Variants in DPF3 observed in about 807,000 individuals in gnomAD.
DPF3 encodes the protein double PHD fingers 3.
A neutral mutation model predicts 56.8 loss-of-function variants in DPF3; 18 were observed. The observed-to-expected ratio is 0.32, with a 90% CI of 0.22 to 0.47. DPF3 has a LOEUF of 0.47. DPF3 is among the 20% of genes least tolerant of loss of function. The pLI is 1.00. For missense variants in DPF3, 403 were observed against 488.8 expected, an observed-to-expected ratio of 0.82 and a Z score of 1.65; for synonymous variants, 188 against 180.2, an observed-to-expected ratio of 1.04 and a Z score of -0.35.
chr14:72,753,140 C>T (rs1890649164), intron 3 of DPF3, 124 bp downstream of exon 3: 1 of 761,490 alleles, frequency 1.3e-6, no homozygotes, highest in Admixed American at 2.7e-5. Flanking sequence ...ATGATGTGGG[C>T]ATGTTCCCTC....
chr14:72,772,063 A>C (rs886181535), intron 1 of DPF3, among the ~76,000 whole-genome samples, 170 bp from the exon 2 acceptor site: 1 of 152,228 alleles, frequency 6.6e-6, no homozygotes, highest in Admixed American at 6.5e-5. Flanking sequence ...ATGCAACTCA[A>C]TGTCAGGTCT....
At chr14:72,786,296 A>T (rs1892206267) in intron 1 of DPF3, among the ~76,000 whole-genome samples, 1 of 152,014 alleles carries the variant, frequency 6.6e-6, no homozygotes, top group Admixed American at 6.6e-5. Flanking sequence ...CAATAACCAC[A>T]GAGGTGAGGT....
At chr14:72,633,191 G>C (rs999617065) in intron 8 of DPF3, among the ~76,000 whole-genome samples, 1 of 152,164 alleles carries the variant, frequency 6.6e-6, no homozygotes, top group Non-Finnish European at 1.5e-5. Context: ...AAGGATTGCA[G>C]GGACCACATA....
At chr14:72,775,062 C>T (rs1891694999) in intron 1 of DPF3, among the ~76,000 whole-genome samples, 1 of 152,102 alleles carries the variant, frequency 6.6e-6, no homozygotes, top group African/African-American at 2.4e-5. Context: ...CAGCAAGCAG[C>T]CATACCACAT....
chr14:72,714,580 T>G, intron 5 of DPF3, 79 bp from the exon 6 acceptor site: 1 of 1,512,364 alleles, frequency 6.6e-7, no homozygotes, highest in Non-Finnish European at 9.0e-7. Flanking sequence ...TGCGAGCTCC[T>G]TACACCGTCT....
chr14:72,726,897 T>C (rs926844819), intron 4 of DPF3, among the ~76,000 whole-genome samples: 4 of 152,134 alleles, frequency 2.6e-5, no homozygotes, highest in Admixed American at 2.0e-4. Context: ...CCTGGAATAC[T>C]GCAAAAATCT....
intron 1 of DPF3, among the ~76,000 whole-genome samples, chr14:72,792,651 C>G (rs1391177665): frequency 6.6e-6 from 1 of 151,972 alleles, no homozygotes; most frequent in Non-Finnish European, 1.5e-5. Context: ...ACAAAGTACT[C>G]CAAGGACCCG....
intron 1 of DPF3, among the ~76,000 whole-genome samples, chr14:72,853,829 T>C (rs1885078138): frequency 6.6e-6 from 1 of 152,182 alleles, no homozygotes; most frequent in South Asian, 2.1e-4. Flanking sequence ...AACCCTCATG[T>C]CACCATCTAC....
intron 2 of DPF3, among the ~76,000 whole-genome samples, chr14:72,755,091 C>G (rs1400974263): frequency 1.3e-5 from 2 of 152,232 alleles, no homozygotes; most frequent in Non-Finnish European, 2.9e-5. Context: ...CCCTGCACCC[C>G]CTCTCCCACC....
chr14:72,701,671 ACT>A (rs1177540802), intron 6 of DPF3, among the ~76,000 whole-genome samples: 4 of 151,926 alleles, frequency 2.6e-5, no homozygotes, highest in Non-Finnish European at 5.9e-5. Context: ...TAACTTAATG[ACT>A]CTGGCACATT....
intron 1 of DPF3, among the ~76,000 whole-genome samples, chr14:72,827,423 C>T (rs1456255345): frequency 6.7e-6 from 1 of 149,862 alleles, no homozygotes; most frequent in Non-Finnish European, 1.5e-5. Flanking sequence ...GTGCAATATT[C>T]TGGCCACCTG....
At chr14:72,835,518 C>T (rs1379675189) in intron 1 of DPF3, among the ~76,000 whole-genome samples, 1 of 152,176 alleles carries the variant, frequency 6.6e-6, no homozygotes, top group African/African-American at 2.4e-5. Flanking sequence ...ATTCAATCAT[C>T]CTTTACAAAG....
In DPF3 at chr14:72,891,594, T is replaced by C. The variant is rs142970821; in HGVS notation, c.32+2463A>G. 1.0e-3 allele frequency among the ~76,000 whole-genome samples: 156 copies of C among 152,290 alleles called. 1 individual carries two copies. Among genetic ancestry groups the C allele is most frequent in the African/African-American group, 3.4e-3 (143 of 41,548 alleles). On this transcript the variant is annotated intron_variant, in intron 1 of 10. Coordinates refer to ENST00000556509, the MANE Select transcript of DPF3 (RefSeq NM_001280542.3). ...CAAATGAAATATATAAGATGTTTTA[T>C]TAAACAAGTTATTTTTAAAAAAATA... is the stretch of plus-strand genomic sequence containing the variant.
At chr14:72,644,706 A>G (rs535995447) in intron 8 of DPF3, among the ~76,000 whole-genome samples, 2 of 152,324 alleles carry the variant, frequency 1.3e-5, no homozygotes, top group East Asian at 3.9e-4. Context: ...CAAGAGCCTC[A>G]CAAGTGTTCA....
chr14:72,808,770 A>G (rs913094397), intron 1 of DPF3, among the ~76,000 whole-genome samples: 1 of 152,206 alleles, frequency 6.6e-6, no homozygotes, highest in Non-Finnish European at 1.5e-5. Flanking sequence ...AGCTTCTTCT[A>G]CCAGGAAACC....
At chr14:72,819,121 G>A (rs1883417816) in intron 1 of DPF3, among the ~76,000 whole-genome samples, 1 of 152,180 alleles carries the variant, frequency 6.6e-6, no homozygotes, top group East Asian at 1.9e-4. Context: ...AGTCATTAGG[G>A]AAATGCCCAC....
intron 8 of DPF3, among the ~76,000 whole-genome samples, chr14:72,667,607 T>C (rs1389007713): frequency 6.6e-6 from 1 of 152,196 alleles, no homozygotes; most frequent in East Asian, 1.9e-4. Flanking sequence ...GCTCCTACAA[T>C]TCCTAAGGTC....
intron 1 of DPF3, among the ~76,000 whole-genome samples, chr14:72,792,857 G>C (rs1181646213): frequency 6.6e-6 from 1 of 151,660 alleles, no homozygotes; most frequent in Non-Finnish European, 1.5e-5. Flanking sequence ...TTCTCCAGGG[G>C]AATGGCTCCC....
At chr14:72,817,693 C>T (rs1037214241) in intron 1 of DPF3, among the ~76,000 whole-genome samples, 1 of 151,988 alleles carries the variant, frequency 6.6e-6, no homozygotes, top group African/African-American at 2.4e-5. Context: ...AAAAACCACA[C>T]ACACACAAAG....
Sources: gnomAD v4.1 joint callset for allele counts (sites outside exome capture counted in the v4.1 genomes callset) on GRCh38, gnomAD v4.1.1 for gene constraint, MANE v1.5 for transcripts, NCBI Gene and HGNC (gene_info 2026-07-23, HGNC 2026-07-21) for gene names.